TRPM3: variants seen among roughly 807,000 people sequenced by gnomAD.
The protein encoded by TRPM3 is transient receptor potential cation channel subfamily M member 3, also known as long transient receptor potential channel 3.
In TRPM3, 77 loss-of-function variants were observed where a neutral mutation model predicts 181.2. That is an observed-to-expected ratio of 0.42 (90% CI 0.35 to 0.51). The LOEUF is 0.51. Among genes scored for constraint, TRPM3 ranks in the 20% least tolerant of loss-of-function variants. The probability of loss-of-function intolerance (pLI) is 0.01; values close to 1 mark genes in which losing one functional copy is unlikely to be tolerated. For synonymous variants in TRPM3, 745 were observed against 796.4 expected (o/e 0.94, Z 1.09); for missense variants, 1,759 against 2,196.7 (o/e 0.80, Z 3.98).
intron 1 of TRPM3, among the ~76,000 whole-genome samples, chr9:71,241,463 C>T (rs559278389): frequency 5.2e-4 from 69 of 133,886 alleles, no homozygotes; most frequent in African/African-American, 1.9e-3. Flanking sequence ...ACATGGACAC[C>T]GGAAGGGGAA....
chr9:71,190,700 C>G (rs1258378944), intron 1 of TRPM3, among the ~76,000 whole-genome samples: 3 of 151,832 alleles, frequency 2.0e-5, no homozygotes, highest in Non-Finnish European at 4.4e-5. Context: ...TTCCTTAAAA[C>G]AGAAAACTAT....
At chr9:71,249,900 G>A (rs913263180) in intron 1 of TRPM3, among the ~76,000 whole-genome samples, 2 of 152,294 alleles carry the variant, frequency 1.3e-5, no homozygotes, top group East Asian at 3.9e-4. Context: ...GCTGAAGAAA[G>A]AATTCTTCAC....
chr9:70,829,396 T>C (rs749055220), intron 5 of TRPM3, among the ~76,000 whole-genome samples: 8 of 152,134 alleles, frequency 5.3e-5, no homozygotes, highest in Admixed American at 2.6e-4. Flanking sequence ...AATGAATGAA[T>C]GAATAGGCAA....
At chr9:70,664,641 GTTTTTTTTTTTTTT>G (rs71367210) in intron 9 of TRPM3, among the ~76,000 whole-genome samples, 3,863 of 100,386 alleles carry the variant, frequency 0.038, 128 homozygotes, top group Non-Finnish European at 0.05. Context: ...TAGGAGAGTA[GTTTTTTTTTTTTTT>G]TTTTTTTTTT....
chr9:71,025,229 A>C (rs183064655), intron 1 of TRPM3, among the ~76,000 whole-genome samples: 8 of 152,320 alleles, frequency 5.3e-5, no homozygotes, highest in African/African-American at 1.9e-4. Context: ...TTATTTTGCA[A>C]TTCCCTTTAC....
At chr9:70,877,771 G>A (rs1185060728) in intron 1 of TRPM3, among the ~76,000 whole-genome samples, 6 of 148,188 alleles carry the variant, frequency 4.0e-5, no homozygotes, top group South Asian at 2.1e-4. Flanking sequence ...CTTGTTTTCC[G>A]TTGGCGACCT....
intron 1 of TRPM3, among the ~76,000 whole-genome samples, chr9:70,956,091 T>C (rs7022875): frequency 0.19 from 28,195 of 151,996 alleles, 2,722 homozygotes; most frequent in East Asian, 0.29. Flanking sequence ...GGGTGCCCGA[T>C]TGAGAATCAC....
chr9:71,304,222 T>C (rs2087049312), intron 1 of TRPM3, among the ~76,000 whole-genome samples: 1 of 152,236 alleles, frequency 6.6e-6, no homozygotes. Flanking sequence ...ATTGCAGTCA[T>C]GCTGAATTAA....
chr9:70,927,253 T>A (rs571873805), intron 1 of TRPM3, among the ~76,000 whole-genome samples: 1 of 152,354 alleles, frequency 6.6e-6, no homozygotes, highest in Non-Finnish European at 1.5e-5. Flanking sequence ...TCTCCTTAAA[T>A]TTTTATGGAA....
intron 19 of TRPM3, among the ~76,000 whole-genome samples, chr9:70,608,825 G>A (rs908535678): frequency 3.3e-5 from 5 of 152,184 alleles, no homozygotes; most frequent in Non-Finnish European, 4.4e-5. Flanking sequence ...AGGTGACAGA[G>A]TAAGAGTTTG....
At chr9:70,912,206 T>C (rs2096544867) in intron 1 of TRPM3, among the ~76,000 whole-genome samples, 1 of 152,178 alleles carries the variant, frequency 6.6e-6, no homozygotes, top group South Asian at 2.1e-4. Flanking sequence ...ATAAATGTAA[T>C]CTTCTCCAAG....
At chr9:71,248,892 C>T (rs2082185905) in intron 1 of TRPM3, among the ~76,000 whole-genome samples, 2 of 152,090 alleles carry the variant, frequency 1.3e-5, no homozygotes, top group Admixed American at 6.6e-5. Context: ...CGACAAGCCA[C>T]TTAAAGATAT....
chr9:70,685,529 C>A (rs1236677331), intron 8 of TRPM3, among the ~76,000 whole-genome samples: 2 of 152,152 alleles, frequency 1.3e-5, no homozygotes, highest in African/African-American at 4.8e-5. Flanking sequence ...CCTCAGCCTC[C>A]TGAGTACCTG....
intron 8 of TRPM3, among the ~76,000 whole-genome samples, chr9:70,686,610 C>CT (rs879415152): frequency 0.28 from 31,987 of 112,340 alleles, 6,279 homozygotes; most frequent in East Asian, 0.38. Context: ...CCCTCCCTCC[C>CT]GCCCTTCCTG....
intron 22 of TRPM3, among the ~76,000 whole-genome samples, chr9:70,566,384 G>C (rs938927960): frequency 1.3e-5 from 2 of 152,108 alleles, no homozygotes; most frequent in African/African-American, 4.8e-5. Flanking sequence ...AAGGTCCCTG[G>C]TCTGGAGTAA....
In TRPM3 at chr9:70,639,069, C is replaced by T; in HGVS notation, c.1572G>A (p.Leu524=). ...RFLTISRLEE[L]YNTRHGPSNT... ...CTTAGTTTGGCCCTACCGTATTGTA[C>T]AATTCCTCTAGTCTGGAGATGGTGA... is the stretch of plus-strand genomic sequence containing the variant. The change falls in exon 11 of 26, where the codon TTG becomes TTA. Residue 524 remains leucine (L), a synonymous_variant. Coordinates refer to ENST00000677713, the MANE Select transcript of TRPM3 (RefSeq NM_001366145.2). The T allele has an allele frequency of 6.2e-7, 1 of 1,613,830 alleles. No homozygotes were observed. Among genetic ancestry groups the T allele is most frequent in the East Asian group, 2.2e-5 (1 of 44,866 alleles).
intron 8 of TRPM3, among the ~76,000 whole-genome samples, chr9:70,757,910 G>C (rs977419932): frequency 2.0e-5 from 3 of 152,082 alleles, no homozygotes; most frequent in Admixed American, 6.6e-5. Context: ...TTCCCTTTGA[G>C]AACTGGCACA....
At chr9:70,953,174 C>T (rs1186983833) in intron 1 of TRPM3, among the ~76,000 whole-genome samples, 4 of 152,102 alleles carry the variant, frequency 2.6e-5, no homozygotes, top group Non-Finnish European at 5.9e-5. Flanking sequence ...TTTTCTTTCC[C>T]CATAGTGGAG....
In TRPM3 at chr9:70,537,411, C is replaced by T. The variant is rs1162521187; in HGVS notation, c.3708-6G>A. 13 of 1,438,442 alleles carry T rather than the reference C, an allele frequency of 9.0e-6. No homozygotes were observed. The highest frequency in any genetic ancestry group is 2.1e-4 in the Middle Eastern group (1 of 4,840). The allele number at this position is 1,438,442 out of a possible 1,614,324, so 89.1% of individuals were successfully genotyped here. On this transcript the variant is annotated splice_region_variant and splice_polypyrimidine_tract_variant and intron_variant, in intron 25 of 25. Coordinates refer to ENST00000677713, the MANE Select transcript of TRPM3 (RefSeq NM_001366145.2). ...GCATAGACATGTTCTCCACCCTGCGCGAGGAAGAGAGAATGAGAGTCACTC... is the reference window on the plus strand; with the variant it reads ...GCATAGACATGTTCTCCACCCTGCGTGAGGAAGAGAGAATGAGAGTCACTC...
Sources: allele counts gnomAD v4.1 joint callset (sites outside exome capture counted in the v4.1 genomes callset), GRCh38; gene constraint gnomAD v4.1.1; transcripts MANE v1.5; gene names NCBI Gene and HGNC (gene_info 2026-07-23, HGNC 2026-07-21).